MTX2: variants seen among roughly 807,000 people sequenced by gnomAD.
The protein encoded by MTX2 is metaxin 2.
Under a neutral mutation model 42.3 loss-of-function variants are expected in MTX2, and 35 were observed. The observed-to-expected ratio is 0.83, with a 90% CI of 0.63 to 1.10. The LOEUF is 1.10. MTX2 is among the 50% of genes least tolerant of loss of function. The probability of loss-of-function intolerance (pLI) is 0.00; values close to 1 mark genes in which losing one functional copy is unlikely to be tolerated. For synonymous variants in MTX2, 119 were observed against 100.9 expected (o/e 1.18, Z -1.08); for missense variants, 307 against 304.1 (o/e 1.01, Z -0.07).
intron 9 of MTX2, among the ~76,000 whole-genome samples, chr2:176,337,166 C>T (rs551405057): frequency 1.3e-5 from 2 of 152,182 alleles, no homozygotes; most frequent in East Asian, 1.9e-4. Context: ...CTCAGCCTCC[C>T]GTGTAGCTAG....
At chr2:176,308,298 G>T (rs1684205974) in intron 3 of MTX2, among the ~76,000 whole-genome samples, 1 of 152,102 alleles carries the variant, frequency 6.6e-6, no homozygotes, top group Non-Finnish European at 1.5e-5. Context: ...GCTGGATTCG[G>T]TTTGCTAATA....
intron 5 of MTX2, among the ~76,000 whole-genome samples, chr2:176,327,647 G>A (rs952059978): frequency 6.8e-6 from 1 of 148,058 alleles, no homozygotes; most frequent in Non-Finnish European, 1.5e-5. Context: ...GTTTATTGTT[G>A]GGCTTTTAGG....
At chr2:176,299,915 A>G (rs1479991755) in intron 3 of MTX2, among the ~76,000 whole-genome samples, 1 of 152,094 alleles carries the variant, frequency 6.6e-6, no homozygotes, top group African/African-American at 2.4e-5. Context: ...CTTGGTGTTT[A>G]TTATACCCCC....
chr2:176,320,149 A>G (rs1028652403), intron 3 of MTX2, among the ~76,000 whole-genome samples: 1 of 152,126 alleles, frequency 6.6e-6, no homozygotes, highest in Non-Finnish European at 1.5e-5. Context: ...AATAAAAAGC[A>G]TGGGACTAAG....
chr2:176,301,568 A>G (rs1684023375), intron 3 of MTX2, among the ~76,000 whole-genome samples: 1 of 152,156 alleles, frequency 6.6e-6, no homozygotes, highest in Admixed American at 6.5e-5. Context: ...GAGAGGTTAA[A>G]CAGTGAGCTC....
At chr2:176,320,857 G>C (rs894288696) in intron 3 of MTX2, among the ~76,000 whole-genome samples, 2 of 151,932 alleles carry the variant, frequency 1.3e-5, no homozygotes, top group African/African-American at 2.4e-5. Flanking sequence ...ACCATGCCCA[G>C]CTAATTCTTT....
intron 9 of MTX2, among the ~76,000 whole-genome samples, chr2:176,332,605 G>C (rs1212762913): frequency 6.6e-6 from 1 of 151,300 alleles, no homozygotes; most frequent in Non-Finnish European, 1.5e-5. Flanking sequence ...TACTTGATGA[G>C]AGAAAAGGAA....
intron 4 of MTX2, among the ~76,000 whole-genome samples, chr2:176,323,873 A>C (rs868418703): frequency 6.6e-6 from 1 of 151,680 alleles, no homozygotes; most frequent in Non-Finnish European, 1.5e-5. Flanking sequence ...CTGGAAGAAG[A>C]GAGATTGTAG....
At chr2:176,312,954 G>A (rs1043318877) in intron 3 of MTX2, among the ~76,000 whole-genome samples, 4 of 149,862 alleles carry the variant, frequency 2.7e-5, no homozygotes, top group East Asian at 1.9e-4. Flanking sequence ...TTTTTATTTC[G>A]GTACACAATC....
intron 3 of MTX2, among the ~76,000 whole-genome samples, chr2:176,306,689 A>G (rs753869431): frequency 5.4e-4 from 82 of 152,056 alleles, no homozygotes; most frequent in Non-Finnish European, 9.7e-4. Flanking sequence ...TCACGTGTCT[A>G]TTGGCTGCGT....
chr2:176,327,170 G>A (rs1684728108), intron 5 of MTX2, among the ~76,000 whole-genome samples: 1 of 151,148 alleles, frequency 6.6e-6, no homozygotes, highest in Admixed American at 6.6e-5. Flanking sequence ...CAAAATGGTA[G>A]ATAATTTTCT....
chr2:176,314,761 A>G (rs971192881), intron 3 of MTX2, among the ~76,000 whole-genome samples: 3 of 152,226 alleles, frequency 2.0e-5, no homozygotes, highest in Admixed American at 1.3e-4. Flanking sequence ...GTAACTTCTC[A>G]GTAAATTTTC....
At chr2:176,306,665 G>C (rs575425566) in intron 3 of MTX2, among the ~76,000 whole-genome samples, 20 of 152,302 alleles carry the variant, frequency 1.3e-4, no homozygotes, top group Admixed American at 1.3e-3. Context: ...GACCAGTGAT[G>C]ATGAGTATTT....
intron 3 of MTX2, among the ~76,000 whole-genome samples, chr2:176,303,037 G>C (rs1684063056): frequency 6.6e-6 from 1 of 152,040 alleles, no homozygotes; most frequent in South Asian, 2.1e-4. Flanking sequence ...GGCCATAGTA[G>C]ACAGCTACCT....
chr2:176,307,551 C>A (rs1471088030), intron 3 of MTX2, among the ~76,000 whole-genome samples: 1 of 152,140 alleles, frequency 6.6e-6, no homozygotes, highest in African/African-American at 2.4e-5. Flanking sequence ...AATGTTCTTC[C>A]ATTTGTTTGT....
At chr2:176,320,850 A>G (rs995020448) in intron 3 of MTX2, among the ~76,000 whole-genome samples, 3 of 152,028 alleles carry the variant, frequency 2.0e-5, no homozygotes, top group Non-Finnish European at 4.4e-5. Context: ...GTGCACCACC[A>G]TGCCCAGCTA....
intron 1 of MTX2, among the ~76,000 whole-genome samples, chr2:176,285,917 G>A (rs1358970946): frequency 6.6e-6 from 1 of 151,894 alleles, no homozygotes; most frequent in Non-Finnish European, 1.5e-5. Context: ...GTAATTGATG[G>A]GTCATATGGT....
chr2:176,274,106 T>C (rs1692889119), intron 1 of MTX2, among the ~76,000 whole-genome samples: 1 of 152,162 alleles, frequency 6.6e-6, no homozygotes, highest in Non-Finnish European at 1.5e-5. Flanking sequence ...GACATTTTTT[T>C]CCTGTCAAAT....
intron 3 of MTX2, among the ~76,000 whole-genome samples, chr2:176,304,702 C>T (rs1684101559): frequency 6.6e-6 from 1 of 151,952 alleles, no homozygotes; most frequent in African/African-American, 2.4e-5. Context: ...AATTAAAATT[C>T]ACAATCATTT....
Sources: gnomAD v4.1 joint callset for allele counts (sites outside exome capture counted in the v4.1 genomes callset) on GRCh38, gnomAD v4.1.1 for gene constraint, MANE v1.5 for transcripts, NCBI Gene and HGNC (gene_info 2026-07-23, HGNC 2026-07-21) for gene names.